Variants in MMS22L observed in about 807,000 individuals in gnomAD.
MMS22L encodes protein MMS22-like.
MMS22L carries 74 observed loss-of-function variants against 159.1 expected under a neutral mutation model. The observed-to-expected ratio is 0.47, with a 90% CI of 0.39 to 0.56. The LOEUF (loss-of-function observed/expected upper bound fraction) is 0.56, where lower values mean the gene tolerates loss of function less well. Among genes scored for constraint, MMS22L ranks in the 20% least tolerant of loss-of-function variants. The pLI is 0.00. For missense variants in MMS22L, 1,351 were observed against 1,422.1 expected (o/e 0.95, Z 0.80); for synonymous variants, 517 against 506.9 (o/e 1.02, Z -0.27).
intron 9 of MMS22L, chr6:97,259,757 T>C (rs1008187102): frequency 1.3e-5 from 2 of 151,938 alleles, no homozygotes; most frequent in African/African-American, 4.8e-5. Context: ...CACACACTAA[T>C]ACAGAATAAT....
At chr6:97,255,968 C>A (rs1203205419) in intron 9 of MMS22L, among the ~76,000 whole-genome samples, 1 of 151,882 alleles carries the variant, frequency 6.6e-6, no homozygotes, top group Non-Finnish European at 1.5e-5. Context: ...CAATTTTGAA[C>A]CTTGATATAT....
At chr6:97,164,549 C>T (rs1802769557) in intron 21 of MMS22L, among the ~76,000 whole-genome samples, 1 of 126,704 alleles carries the variant, frequency 7.9e-6, no homozygotes. Flanking sequence ...ACTAACAAGA[C>T]TTCAGGGTGC....
At chr6:97,168,331 TG>T (rs1050138191) in intron 19 of MMS22L, 91 bp from the exon 20 acceptor site, 1 of 1,119,554 alleles carries the variant, frequency 8.9e-7, no homozygotes, top group African/African-American at 1.6e-5. Context: ...TGAAAGCACA[TG>T]GGACCAAATT....
intron 14 of MMS22L, among the ~76,000 whole-genome samples, chr6:97,227,199 C>G (rs1001434318): frequency 2.0e-5 from 3 of 151,870 alleles, no homozygotes; most frequent in East Asian, 1.9e-4. Context: ...ATGTAAGAAG[C>G]AATATAATTG....
rs1810004263 is a variant in MMS22L, at chr6:97,224,481, AT to A, written c.2039+4412del. 3.9e-5 allele frequency among the ~76,000 whole-genome samples: 6 copies of A among 152,180 alleles called. No homozygotes were observed. The South Asian group carries it at 1.2e-3, about 32-fold the overall frequency. ...AGAGGGTTGGAATAGTACTAAAAAA[AT>A]CAAAGACAAATTATTATAAATAAAA... On this transcript the variant is annotated intron_variant, in intron 14 of 24. Transcript: ENST00000683635.
chr6:97,198,235 C>G (rs1806757153), intron 14 of MMS22L, among the ~76,000 whole-genome samples: 1 of 152,144 alleles, frequency 6.6e-6, no homozygotes, highest in Non-Finnish European at 1.5e-5. Context: ...CTAAGCTTGT[C>G]CACCAGCCAT....
chr6:97,231,921 G>C (rs561122030), intron 12 of MMS22L, among the ~76,000 whole-genome samples: 1 of 152,286 alleles, frequency 6.6e-6, no homozygotes, highest in African/African-American at 2.4e-5. Context: ...TGCATTCAGT[G>C]ATATGCATGG....
intron 15 of MMS22L, 109 bp downstream of exon 15, chr6:97,186,388 G>T: frequency 1.3e-6 from 1 of 789,568 alleles, no homozygotes; most frequent in Non-Finnish European, 1.9e-6. Flanking sequence ...TCATCTTTCT[G>T]GCTGACAAAA....
In MMS22L at chr6:97,174,718, A is replaced by G. The variant is rs1237218608; in HGVS notation, c.2680-1496T>C. On this transcript the variant is annotated intron_variant, in intron 18 of 24. Transcript: ENST00000683635. Reference sequence around the variant, plus strand: ...CCACTGCTCCGGGTTTAGTCACGGAAGTGGGTGGATGAAGTAGGGGAGAAG... The same window carrying G: ...CCACTGCTCCGGGTTTAGTCACGGAGGTGGGTGGATGAAGTAGGGGAGAAG... Among the ~76,000 whole-genome samples, 4 of 152,176 alleles carry G rather than the reference A, an allele frequency of 2.6e-5. No homozygotes were observed. In the South Asian group the frequency reaches 8.3e-4, roughly 31 times the overall value.
chr6:97,273,606 G>A (rs927598678), intron 4 of MMS22L, among the ~76,000 whole-genome samples: 1 of 152,288 alleles, frequency 6.6e-6, no homozygotes, highest in South Asian at 2.1e-4. Context: ...TGCTCAGACA[G>A]TGCAAATAAT....
At chr6:97,281,202 A>G in intron 3 of MMS22L, 35 bp downstream of exon 3, 5 of 1,583,472 alleles carry the variant, frequency 3.2e-6, no homozygotes, top group Non-Finnish European at 2.6e-6. Context: ...AGTGAACAAC[A>G]CCTACACTCA....
chr6:97,208,970 T>C (rs1376020363), intron 14 of MMS22L, among the ~76,000 whole-genome samples: 2 of 151,898 alleles, frequency 1.3e-5, no homozygotes, highest in African/African-American at 4.8e-5. Flanking sequence ...TCACTTCTCT[T>C]CTTCAACAAC....
intron 2 of MMS22L, 126 bp downstream of exon 2, chr6:97,282,186 TGA>T: frequency 1.1e-6 from 1 of 870,898 alleles, no homozygotes; most frequent in Admixed American, 2.7e-5. Flanking sequence ...TGTACCCTTA[TGA>T]TATACTAAGC....
In MMS22L at chr6:97,268,647, TA is replaced by T. The variant is rs1554279854; in HGVS notation, c.698-646del. Among the ~76,000 whole-genome samples, 862 of 152,132 alleles carry T rather than the reference TA, an allele frequency of 5.7e-3. 9 individuals carry two copies. Among genetic ancestry groups the T allele is most frequent in the African/African-American group, 0.019 (807 of 41,450 alleles). ...CTAACCAACAAAGCCTTTAAAACAT[TA>T]TTTTTTTAACAAATACTGATAAACT... On this transcript the variant is annotated intron_variant, in intron 7 of 24. Transcript: ENST00000683635.
intron 11 of MMS22L, among the ~76,000 whole-genome samples, chr6:97,244,314 T>G (rs1414375962): frequency 1.3e-5 from 2 of 152,150 alleles, no homozygotes; most frequent in African/African-American, 4.8e-5. Flanking sequence ...GATGGGGCCA[T>G]GGAGCTCCCA....
At chr6:97,253,044 C>A (rs1813407192) in intron 10 of MMS22L, among the ~76,000 whole-genome samples, 1 of 152,096 alleles carries the variant, frequency 6.6e-6, no homozygotes, top group South Asian at 2.1e-4. Flanking sequence ...ACATACAATT[C>A]TTTTCTGTGA....
At chr6:97,221,055 C>A (rs1809588792) in intron 14 of MMS22L, among the ~76,000 whole-genome samples, 1 of 151,566 alleles carries the variant, frequency 6.6e-6, no homozygotes, top group Non-Finnish European at 1.5e-5. Context: ...ATTATGAGTT[C>A]TTTTGAAAAC....
chr6:97,243,890 T>A (rs564539097), intron 11 of MMS22L, among the ~76,000 whole-genome samples: 7 of 151,690 alleles, frequency 4.6e-5, no homozygotes, highest in African/African-American at 1.7e-4. Flanking sequence ...GGGTGGGGGG[T>A]GTCTGCAAAG....
At chr6:97,206,775 G>A (rs2127923999) in intron 14 of MMS22L, among the ~76,000 whole-genome samples, 1 of 152,162 alleles carries the variant, frequency 6.6e-6, no homozygotes, top group East Asian at 1.9e-4. Context: ...CCCATCATAA[G>A]GACCATATCA....
Sources: allele counts gnomAD v4.1 joint callset (sites outside exome capture counted in the v4.1 genomes callset), GRCh38; gene constraint gnomAD v4.1.1; transcripts MANE v1.5; gene names NCBI Gene and HGNC (gene_info 2026-07-23, HGNC 2026-07-21).